The following GIGYF2 variants were observed in gnomAD, a reference collection of about 807,000 sequenced individuals.
GIGYF2 encodes the protein GRB10-interacting GYF protein 2.
In GIGYF2, 25 loss-of-function variants were observed where a neutral mutation model predicts 208.1. That is an observed-to-expected ratio of 0.12 (90% CI 0.09 to 0.17). The LOEUF is 0.17. Among genes scored for constraint, GIGYF2 ranks in the 10% least tolerant of loss-of-function variants. The pLI is 1.00. For synonymous variants in GIGYF2, 534 were observed against 543.8 expected (o/e 0.98, Z 0.25); for missense variants, 1,302 against 1,579.4 (o/e 0.82, Z 2.98).
intron 8 of GIGYF2, among the ~76,000 whole-genome samples, chr2:232,772,090 A>G (rs1047996184): frequency 2.6e-5 from 4 of 152,086 alleles, no homozygotes; most frequent in African/African-American, 9.7e-5. Flanking sequence ...TAGAATTTTA[A>G]TTTTTGTTGG....
intron 25 of GIGYF2, among the ~76,000 whole-genome samples, chr2:232,845,049 G>A (rs894312185): frequency 1.3e-5 from 2 of 152,146 alleles, no homozygotes; most frequent in Admixed American, 6.5e-5. Context: ...TGTTGAACGA[G>A]CATGGGTTTT....
At chr2:232,825,237 G>C (rs896937530) in intron 21 of GIGYF2, among the ~76,000 whole-genome samples, 7 of 152,212 alleles carry the variant, frequency 4.6e-5, no homozygotes, top group African/African-American at 1.7e-4. Context: ...ATAATGCTCT[G>C]TGTGTCATGG....
chr2:232,838,160 A>G (rs1035302736), intron 22 of GIGYF2, among the ~76,000 whole-genome samples: 1 of 152,196 alleles, frequency 6.6e-6, no homozygotes, highest in Non-Finnish European at 1.5e-5. Flanking sequence ...AGTCTATATA[A>G]GGAAGACTTA....
intron 2 of GIGYF2, among the ~76,000 whole-genome samples, chr2:232,705,073 A>G (rs971810272): frequency 6.6e-6 from 1 of 151,136 alleles, no homozygotes; most frequent in Non-Finnish European, 1.5e-5. Flanking sequence ...GTTAGCCAGG[A>G]TGGTCTCGAT....
Position 232,778,184 on chromosome 2 carries a change from A to C in GIGYF2, c.533-8966A>C, listed in dbSNP as rs138526783. On this transcript the variant is annotated intron_variant, in intron 8 of 28. Coordinates refer to ENST00000373563, the MANE Select transcript of GIGYF2 (RefSeq NM_001103146.3). ...CTCCTGGGCTCAAGCTGTCCTCTCAATTCAGCCTCCCAAATTCCTGGGATT... is the reference window on the plus strand; with the variant it reads ...CTCCTGGGCTCAAGCTGTCCTCTCACTTCAGCCTCCCAAATTCCTGGGATT... 1.2e-3 allele frequency among the ~76,000 whole-genome samples: 177 copies of C among 152,110 alleles called. 1 individual carries two copies. The highest frequency in any genetic ancestry group is 4.0e-3 in the African/African-American group (166 of 41,498).
chr2:232,729,821 C>T (rs535370139), intron 2 of GIGYF2: 23 of 745,590 alleles, frequency 3.1e-5, no homozygotes, highest in Non-Finnish European at 5.3e-5. Flanking sequence ...TTCTTCGATT[C>T]ATATTGTGGA....
At chr2:232,826,628 C>T (rs551149526) in intron 21 of GIGYF2, among the ~76,000 whole-genome samples, 2 of 152,256 alleles carry the variant, frequency 1.3e-5, no homozygotes, top group South Asian at 4.1e-4. Flanking sequence ...GCTTTGCAAT[C>T]TACCCATCTG....
chr2:232,858,663 C>G lies in GIGYF2; in HGVS notation c.*1803C>G, dbSNP rs1690665562. 2.4e-6 allele frequency: 1 copy of G among 421,742 alleles called. No homozygotes were observed. Among genetic ancestry groups the G allele is most frequent in the Admixed American group, 2.7e-5 (1 of 36,494 alleles). 26.1% of individuals were successfully genotyped at this position (421,742 alleles called of 1,614,324 possible). A position where few individuals can be genotyped will look rare whatever the true frequency, so the allele number is the denominator to read the frequency against. On this transcript the variant is annotated 3_prime_UTR_variant, in exon 29 of 29. Coordinates refer to ENST00000373563, the MANE Select transcript of GIGYF2 (RefSeq NM_001103146.3). ...CCTCTTGTACTCACCTTTATGGAGG[C>G]TGAGTTCTGCACTAAACTGTTCCTC...
intron 3 of GIGYF2, 79 bp from the exon 4 acceptor site, chr2:232,747,536 A>G (rs1698189784): frequency 1.3e-6 from 2 of 1,497,208 alleles, no homozygotes; most frequent in East Asian, 4.5e-5. Flanking sequence ...AACTAAAATG[A>G]ATTTTTTTTG....
At chr2:232,774,644 A>G (rs756386564) in intron 8 of GIGYF2, among the ~76,000 whole-genome samples, 1 of 152,210 alleles carries the variant, frequency 6.6e-6, no homozygotes, top group Non-Finnish European at 1.5e-5. Flanking sequence ...TGGTGGGTGA[A>G]CAACTTTGTC....
intron 2 of GIGYF2, among the ~76,000 whole-genome samples, chr2:232,704,897 T>C (rs1199525672): frequency 7.0e-6 from 1 of 142,924 alleles, no homozygotes; most frequent in African/African-American, 2.6e-5. Flanking sequence ...TCTCGCTCTT[T>C]CGCCCAGGCT....
Position 232,706,167 on chromosome 2 carries a change from C to T in GIGYF2, c.-44+2678C>T, listed in dbSNP as rs368125767. On this transcript the variant is annotated intron_variant, in intron 2 of 28. Coordinates refer to ENST00000373563, the MANE Select transcript of GIGYF2 (RefSeq NM_001103146.3). ...AATGAGTGATATGTCTAATGACAGC[C>T]CACAGATGTGACTTATGTTACTTTT... Among the ~76,000 whole-genome samples the T allele has an allele frequency of 2.6e-5, 4 of 152,212 alleles. No homozygotes were observed. The East Asian group carries it at 7.7e-4, about 29-fold the overall frequency.
At chr2:232,800,916 C>T (rs1700378335) in intron 14 of GIGYF2, among the ~76,000 whole-genome samples, 1 of 151,488 alleles carries the variant, frequency 6.6e-6, no homozygotes, top group Non-Finnish European at 1.5e-5. Flanking sequence ...CTTGCTCTGT[C>T]ACGCAGTCTG....
At chr2:232,781,185 C>G (rs971314060) in intron 8 of GIGYF2, among the ~76,000 whole-genome samples, 13 of 152,092 alleles carry the variant, frequency 8.5e-5, no homozygotes, top group African/African-American at 3.1e-4. Context: ...TCTCGAACTC[C>G]TGACCTCAGG....
In GIGYF2 at chr2:232,707,125, A is replaced by G. The variant is rs553668661; in HGVS notation, c.-44+3636A>G. On this transcript the variant is annotated intron_variant, in intron 2 of 28. Coordinates refer to ENST00000373563, the MANE Select transcript of GIGYF2 (RefSeq NM_001103146.3). ...TTCACTAAAAGGAGGAAGAAAGGAG[A>G]AGGAGAAATGTTTATATTGTTCAGA... 1.3e-4 allele frequency among the ~76,000 whole-genome samples: 20 copies of G among 152,226 alleles called. No individual in the cohort carries two copies. In the East Asian group the frequency reaches 3.7e-3, roughly 28 times the overall value.
intron 2 of GIGYF2, chr2:232,734,630 ACTGT>A (rs932105306): frequency 1.3e-5 from 2 of 156,174 alleles, no homozygotes; most frequent in African/African-American, 4.8e-5. Flanking sequence ...AGTGATACAC[ACTGT>A]CTGTTAAAAA....
chr2:232,814,301 G>A (rs895855703), intron 18 of GIGYF2, among the ~76,000 whole-genome samples: 1 of 151,678 alleles, frequency 6.6e-6, no homozygotes, highest in African/African-American at 2.4e-5. Flanking sequence ...GGTGGCTCAC[G>A]CCTGTAATCC....
At chr2:232,840,525 C>CTCATTCAT (rs56108365) in intron 23 of GIGYF2, among the ~76,000 whole-genome samples, 2 of 151,216 alleles carry the variant, frequency 1.3e-5, no homozygotes, top group African/African-American at 2.4e-5. Context: ...CCATTCGGTG[C>CTCATTCAT]TCATTCATTC....
At chr2:232,812,770 G>A (rs1209933289) in intron 18 of GIGYF2, among the ~76,000 whole-genome samples, 3 of 151,634 alleles carry the variant, frequency 2.0e-5, no homozygotes, top group Non-Finnish European at 4.4e-5. Flanking sequence ...AATTATTTTC[G>A]ATCTCTTTAG....
Sources: allele counts gnomAD v4.1 joint callset (sites outside exome capture counted in the v4.1 genomes callset), GRCh38; gene constraint gnomAD v4.1.1; transcripts MANE v1.5; gene names NCBI Gene and HGNC (gene_info 2026-07-23, HGNC 2026-07-21).